Variants in CDH12 observed in about 807,000 individuals in gnomAD.
CDH12 encodes cadherin-12.
Under a neutral mutation model 74.1 loss-of-function variants are expected in CDH12, and 41 were observed. The observed-to-expected ratio is 0.55, with a 90% CI of 0.43 to 0.72. The LOEUF is 0.72. Among genes scored for constraint, CDH12 ranks in the 30% least tolerant of loss-of-function variants. The probability of loss-of-function intolerance (pLI) is 0.00; values close to 1 mark genes in which losing one functional copy is unlikely to be tolerated. For missense variants in CDH12, 945 were observed against 977.2 expected (o/e 0.97, Z 0.44); for synonymous variants, 399 against 355.0 (o/e 1.12, Z -1.39).
intron 8 of CDH12, among the ~76,000 whole-genome samples, chr5:21,841,887 T>C (rs1336171485): frequency 3.4e-5 from 5 of 145,450 alleles, no homozygotes; most frequent in East Asian, 2.2e-4. Flanking sequence ...AGGGATAGCA[T>C]TGGGAGATAT....
At chr5:22,666,282 C>CCTTTTTTTTTTT (rs1740610193) in intron 1 of CDH12, among the ~76,000 whole-genome samples, 6 of 83,534 alleles carry the variant, frequency 7.2e-5, no homozygotes, top group African/African-American at 2.8e-4. Context: ...ATCTCTCTAT[C>CCTTTTTTTTTTT]TTTTTTTTTT....
chr5:21,804,218 T>G (rs35281081), intron 9 of CDH12, among the ~76,000 whole-genome samples: 10,227 of 152,254 alleles, frequency 0.067, 404 homozygotes, highest in East Asian at 0.16. Flanking sequence ...TTAATACCTA[T>G]ATAAGCAAAG....
At chr5:21,823,832 G>A (rs1242580510) in intron 8 of CDH12, among the ~76,000 whole-genome samples, 1 of 151,974 alleles carries the variant, frequency 6.6e-6, no homozygotes, top group Non-Finnish European at 1.5e-5. Flanking sequence ...ACATCAGTGT[G>A]ACTCACAGTT....
intron 1 of CDH12, among the ~76,000 whole-genome samples, chr5:22,736,966 T>G (rs1744761546): frequency 6.6e-6 from 1 of 151,976 alleles, no homozygotes; most frequent in Admixed American, 6.6e-5. Context: ...TATAATCATT[T>G]AGGTGGATTC....
At chr5:22,025,654 C>T (rs1163926754) in intron 5 of CDH12, among the ~76,000 whole-genome samples, 1 of 152,144 alleles carries the variant, frequency 6.6e-6, no homozygotes, top group Non-Finnish European at 1.5e-5. Flanking sequence ...AGATGTTCCT[C>T]TAGCATGAAA....
In CDH12 at chr5:22,328,692, A is replaced by G. The variant is rs577122267; in HGVS notation, c.-333+76565T>C. ...ATGTAAGAAGGAGAGAAATAGAAAA[A>G]TTGATGAAGGCTTTGAATAGCTACA... On this transcript the variant is annotated intron_variant, in intron 3 of 14. Coordinates refer to ENST00000382254, the MANE Select transcript of CDH12 (RefSeq NM_004061.5). 6.6e-5 allele frequency among the ~76,000 whole-genome samples: 10 copies of G among 152,328 alleles called. No individual in the cohort carries two copies. The South Asian group carries it at 1.9e-3, about 28-fold the overall frequency.
chr5:22,741,643 T>C (rs545422175), intron 1 of CDH12, among the ~76,000 whole-genome samples: 157 of 152,290 alleles, frequency 1.0e-3, no homozygotes, highest in African/African-American at 3.7e-3. Flanking sequence ...ATCCAGCAGA[T>C]GGAAGAGTAA....
At chr5:22,756,159 T>C (rs1745897001) in intron 1 of CDH12, among the ~76,000 whole-genome samples, 1 of 151,294 alleles carries the variant, frequency 6.6e-6, no homozygotes, top group South Asian at 2.1e-4. Context: ...CTTTGCTGTG[T>C]TCTGCTCAGT....
At chr5:22,562,919 TCAA>T (rs1012342459) in intron 1 of CDH12, among the ~76,000 whole-genome samples, 8 of 148,118 alleles carry the variant, frequency 5.4e-5, no homozygotes, top group African/African-American at 2.0e-4. Flanking sequence ...TGCACATATA[TCAA>T]CATCTAAATT....
At chr5:21,768,960 G>A (rs1232022286) in intron 11 of CDH12, among the ~76,000 whole-genome samples, 1 of 151,912 alleles carries the variant, frequency 6.6e-6, no homozygotes, top group Non-Finnish European at 1.5e-5. Context: ...CTGGGGACAC[G>A]AGGTTGATTT....
Position 21,974,739 on chromosome 5 carries a change from A to C in CDH12, c.526+352T>G, listed in dbSNP as rs183213862. 1.2e-3 allele frequency among the ~76,000 whole-genome samples: 182 copies of C among 152,272 alleles called. 1 individual carries two copies. The highest frequency in any genetic ancestry group is 1.3e-3 in the Non-Finnish European group (87 of 68,022). ...TTTGATCTAGGAATTACTGTCTGGC[A>C]TTTTGTGGTGTAGGGTAGGTGTCTC... On this transcript the variant is annotated intron_variant, in intron 6 of 14. Coordinates refer to ENST00000382254, the MANE Select transcript of CDH12 (RefSeq NM_004061.5).
At chr5:22,765,190 G>A (rs1580977799) in intron 1 of CDH12, among the ~76,000 whole-genome samples, 1 of 152,058 alleles carries the variant, frequency 6.6e-6, no homozygotes, top group Admixed American at 6.6e-5. Context: ...GTCTTAGACA[G>A]CTTCATGTTC....
chr5:22,560,167 G>T (rs555681329), intron 1 of CDH12, among the ~76,000 whole-genome samples: 2 of 152,218 alleles, frequency 1.3e-5, no homozygotes, highest in South Asian at 2.1e-4. Context: ...TGGTTTCAAG[G>T]TTTCAGTTAC....
At chr5:22,257,152 A>G (rs1393139834) in intron 3 of CDH12, among the ~76,000 whole-genome samples, 5 of 152,124 alleles carry the variant, frequency 3.3e-5, no homozygotes, top group Non-Finnish European at 7.4e-5. Flanking sequence ...GAGAAGAACA[A>G]TCCACACTGG....
At chr5:21,863,509 T>A (rs923135199) in intron 6 of CDH12, among the ~76,000 whole-genome samples, 3 of 152,152 alleles carry the variant, frequency 2.0e-5, no homozygotes, top group African/African-American at 7.2e-5. Flanking sequence ...CAGAGATCTG[T>A]CATTAAGTCC....
intron 3 of CDH12, among the ~76,000 whole-genome samples, chr5:22,251,117 G>T (rs1339956149): frequency 6.6e-6 from 1 of 152,184 alleles, no homozygotes; most frequent in Admixed American, 6.5e-5. Flanking sequence ...TTGGATGACT[G>T]ATAGCTAAAG....
intron 1 of CDH12, among the ~76,000 whole-genome samples, chr5:22,747,779 C>T (rs1352879896): frequency 6.6e-6 from 1 of 151,980 alleles, no homozygotes; most frequent in Non-Finnish European, 1.5e-5. Context: ...TTAAACTTGG[C>T]CCTTGCAGCA....
chr5:22,113,432 T>C (rs1173685796), intron 4 of CDH12, among the ~76,000 whole-genome samples: 1 of 152,176 alleles, frequency 6.6e-6, no homozygotes, highest in Admixed American at 6.5e-5. Flanking sequence ...CATCTTAACC[T>C]GAACATTTCC....
intron 1 of CDH12, among the ~76,000 whole-genome samples, chr5:22,730,780 T>C (rs1482594998): frequency 6.6e-6 from 1 of 151,788 alleles, no homozygotes; most frequent in Non-Finnish European, 1.5e-5. Context: ...ATTTGGGTTA[T>C]TTAAAAGTTC....
Sources: allele counts gnomAD v4.1 joint callset (sites outside exome capture counted in the v4.1 genomes callset), GRCh38; gene constraint gnomAD v4.1.1; transcripts MANE v1.5; gene names NCBI Gene and HGNC (gene_info 2026-07-23, HGNC 2026-07-21).